TRDN: variants seen among roughly 807,000 people sequenced by gnomAD.
TRDN encodes the protein triadin in skeletal muscle.
A neutral mutation model predicts 149.7 loss-of-function variants in TRDN; 161 were observed. The observed-to-expected ratio is 1.08, with a 90% CI of 0.95 to 1.23. TRDN has a LOEUF of 1.23. Ranked by LOEUF, TRDN falls within the 50% of genes most tolerant of loss-of-function variation. TRDN has a pLI of 0.00. For synonymous variants in TRDN, 294 were observed against 250.5 expected (o/e 1.17, Z -1.64); for missense variants, 896 against 823.5 (o/e 1.09, Z -1.08).
At chr6:123,485,457 A>G (rs1423357665) in intron 9 of TRDN, among the ~76,000 whole-genome samples, 1 of 152,176 alleles carries the variant, frequency 6.6e-6, no homozygotes, top group Non-Finnish European at 1.5e-5. Context: ...TTCAACAAAC[A>G]TATCAGGTTT....
chr6:123,399,046 G>GA (rs1010963112), intron 12 of TRDN, among the ~76,000 whole-genome samples: 2 of 151,866 alleles, frequency 1.3e-5, no homozygotes, highest in African/African-American at 4.8e-5. Flanking sequence ...GTTTAATTCA[G>GA]AAAAAATTTG....
At chr6:123,453,364 A>G (rs1775905463) in intron 10 of TRDN, among the ~76,000 whole-genome samples, 2 of 152,214 alleles carry the variant, frequency 1.3e-5, no homozygotes, top group South Asian at 4.1e-4. Flanking sequence ...ACATCTGACA[A>G]AGGACTAATA....
intron 1 of TRDN, among the ~76,000 whole-genome samples, chr6:123,584,663 C>T (rs1034394127): frequency 5.9e-5 from 9 of 152,094 alleles, no homozygotes; most frequent in Non-Finnish European, 8.8e-5. Flanking sequence ...TGAAGCCTTG[C>T]GGCAGTACAG....
chr6:123,221,749 G>T (rs575514131), intron 39 of TRDN, among the ~76,000 whole-genome samples: 3 of 151,616 alleles, frequency 2.0e-5, no homozygotes, highest in East Asian at 2.0e-4. Flanking sequence ...AAAATGTCAC[G>T]CTACAAACAA....
chr6:123,360,367 C>T (rs750946929), intron 20 of TRDN, among the ~76,000 whole-genome samples: 3 of 151,944 alleles, frequency 2.0e-5, no homozygotes, highest in African/African-American at 4.8e-5. Flanking sequence ...CCAACAATCA[C>T]GAGGCAACAG....
intron 21 of TRDN, among the ~76,000 whole-genome samples, chr6:123,345,601 G>A (rs932702842): frequency 2.2e-4 from 34 of 151,960 alleles, no homozygotes; most frequent in African/African-American, 7.7e-4. Flanking sequence ...AAGATAACTT[G>A]CTAGAATTGT....
intron 4 of TRDN, among the ~76,000 whole-genome samples, chr6:123,536,603 C>A (rs1409719497): frequency 6.6e-6 from 1 of 151,486 alleles, no homozygotes; most frequent in Non-Finnish European, 1.5e-5. Flanking sequence ...GTAATTCCAG[C>A]AATTTGGAAA....
intron 12 of TRDN, chr6:123,418,675 C>G (rs1035776467): frequency 3.9e-5 from 6 of 152,088 alleles, no homozygotes; most frequent in African/African-American, 1.5e-4. Flanking sequence ...CCTCTACACT[C>G]AACCCCCAAC....
chr6:123,387,530 TTATCCTCTAGAA>T (rs1297999761), intron 14 of TRDN, among the ~76,000 whole-genome samples: 1 of 152,136 alleles, frequency 6.6e-6, no homozygotes, highest in Non-Finnish European at 1.5e-5. Flanking sequence ...TTACCATTGT[TTATCCTCTAGAA>T]GTCTCACTCA....
intron 10 of TRDN, among the ~76,000 whole-genome samples, chr6:123,447,732 C>A (rs1303713396): frequency 2.0e-5 from 3 of 150,976 alleles, no homozygotes; most frequent in South Asian, 4.2e-4. Context: ...AGATTGTGGC[C>A]ACTGCACTCT....
intron 1 of TRDN, among the ~76,000 whole-genome samples, chr6:123,605,597 C>CAAA (rs35881822): frequency 3.1e-4 from 38 of 123,994 alleles, no homozygotes; most frequent in African/African-American, 1.1e-3. Context: ...ACCCTCTCTA[C>CAAA]AAAAAAAAAA....
chr6:123,584,600 G>A (rs1334499647), intron 1 of TRDN, among the ~76,000 whole-genome samples: 1 of 152,128 alleles, frequency 6.6e-6, no homozygotes, highest in Non-Finnish European at 1.5e-5. Flanking sequence ...TGCCGAGATA[G>A]GTAACAGATG....
intron 23 of TRDN, 146 bp downstream of exon 23, chr6:123,331,733 T>C: frequency 3.8e-6 from 2 of 526,550 alleles, no homozygotes; most frequent in East Asian, 6.4e-5. Flanking sequence ...AATGATGGAA[T>C]ATAAATCTTT....
At chr6:123,611,859 G>A (rs1331844738) in intron 1 of TRDN, among the ~76,000 whole-genome samples, 1 of 151,948 alleles carries the variant, frequency 6.6e-6, no homozygotes, top group East Asian at 1.9e-4. Context: ...TGCTTTATCT[G>A]ATAATAAAGT....
At chr6:123,493,015 C>T (rs995173050) in intron 9 of TRDN, among the ~76,000 whole-genome samples, 2 of 152,068 alleles carry the variant, frequency 1.3e-5, no homozygotes, top group African/African-American at 2.4e-5. Flanking sequence ...CGCTGACCAT[C>T]GGCACAACCA....
intron 12 of TRDN, 104 bp from the exon 13 acceptor site, chr6:123,393,781 T>C: frequency 8.8e-7 from 1 of 1,139,152 alleles, no homozygotes. Context: ...ATAAAAAGTG[T>C]TGCTTTTGAC....
At chr6:123,536,519 C>G (rs1283223495) in intron 4 of TRDN, among the ~76,000 whole-genome samples, 3 of 151,862 alleles carry the variant, frequency 2.0e-5, no homozygotes, top group Middle Eastern at 3.4e-3. Context: ...CAAGATTTTA[C>G]TACTTATGGA....
chr6:123,392,881 A>C (rs1772551082), intron 13 of TRDN, among the ~76,000 whole-genome samples: 1 of 152,088 alleles, frequency 6.6e-6, no homozygotes, highest in Admixed American at 6.6e-5. Context: ...TCTACCCCTG[A>C]AAATTGTACC....
intron 1 of TRDN, among the ~76,000 whole-genome samples, chr6:123,583,049 AG>A (rs756960740): frequency 3.3e-5 from 5 of 152,210 alleles, no homozygotes; most frequent in Admixed American, 6.5e-5. Context: ...CAGGTATAAA[AG>A]GTCTAAGAAT....
Sources: allele counts gnomAD v4.1 joint callset (sites outside exome capture counted in the v4.1 genomes callset), GRCh38; gene constraint gnomAD v4.1.1; transcripts MANE v1.5; gene names NCBI Gene and HGNC (gene_info 2026-07-23, HGNC 2026-07-21).